The following PLOD1 variants were observed in gnomAD, a reference collection of about 807,000 sequenced individuals.
PLOD1 encodes procollagen-lysine,2-oxoglutarate 5-dioxygenase 1, also known as lysine hydroxylase.
Under a neutral mutation model 94.7 loss-of-function variants are expected in PLOD1, and 70 were observed. The ratio of observed to expected loss-of-function variants is 0.74; its 90% CI spans 0.61 to 0.90. The LOEUF is 0.90. Ranked by LOEUF, PLOD1 falls within the 40% of genes least tolerant of loss-of-function variation. PLOD1 has a pLI of 0.00. For missense variants in PLOD1, 905 were observed against 972.7 expected (o/e 0.93, Z 0.93); for synonymous variants, 417 against 400.2 (o/e 1.04, Z -0.50).
At position 11,960,686 on chromosome 1, in the gene PLOD1, A is replaced by G. The variant is rs1645771819; in HGVS notation, c.1016A>G (p.Gln339Arg). ...GCTCAGGTGGAAGAGTTCCTGGCAC[A>G]GCATGGCAGCGAGTACCAGTCTGTG... is the stretch of plus-strand genomic sequence containing the variant. ...HKAQVEEFLA[Q>R]HGSEYQSVKL... is the part of the protein sequence containing the mutation. The change falls in exon 10 of 19, where the codon CAG (glutamine) becomes CGG (arginine). Residue 339 changes from glutamine to arginine, a missense_variant. Coordinates refer to ENST00000196061, the MANE Select transcript of PLOD1 (RefSeq NM_000302.4). The G allele has an allele frequency of 2.5e-6, 4 of 1,613,102 alleles. No individual in the cohort carries two copies. Among genetic ancestry groups the G allele is most frequent in the Admixed American group, 1.7e-5 (1 of 59,992 alleles).
At chr1:11,949,748 C>G (rs767791340) in intron 2 of PLOD1, 25 bp from the exon 3 acceptor site, 1 of 1,610,488 alleles carries the variant, frequency 6.2e-7, no homozygotes, top group Non-Finnish European at 8.5e-7. Context: ...ACCAAAAGCC[C>G]GTGTTAAGGG....
intron 10 of PLOD1, among the ~76,000 whole-genome samples, chr1:11,962,795 C>CTT (rs1250609346): frequency 2.6e-5 from 4 of 151,958 alleles, no homozygotes; most frequent in Non-Finnish European, 5.9e-5. Flanking sequence ...AATCCCAGCA[C>CTT]TTTGGGAGGC....
At chr1:11,948,342 G>A (rs1343989818) in intron 2 of PLOD1, among the ~76,000 whole-genome samples, 1 of 152,212 alleles carries the variant, frequency 6.6e-6, no homozygotes, top group Non-Finnish European at 1.5e-5. Context: ...CTAGTTTAGA[G>A]GACAGGGCCT....
At chr1:11,948,855 G>C (rs1645676438) in intron 2 of PLOD1, among the ~76,000 whole-genome samples, 3 of 152,240 alleles carry the variant, frequency 2.0e-5, no homozygotes, top group African/African-American at 7.2e-5. Context: ...CGAGTATCCT[G>C]AGTGCTTCCT....
At chr1:11,943,422 G>A (rs941995667) in intron 1 of PLOD1, among the ~76,000 whole-genome samples, 1 of 151,544 alleles carries the variant, frequency 6.6e-6, no homozygotes, top group African/African-American at 2.4e-5. Context: ...TGAGCCTCAC[G>A]AGTAGTTGGG....
At chr1:11,949,745 G>A (rs763349970) in intron 2 of PLOD1, 28 bp from the exon 3 acceptor site, 38 of 1,610,342 alleles carry the variant, frequency 2.4e-5, no homozygotes, top group Admixed American at 2.3e-4. Context: ...TTTACCAAAA[G>A]CCCGTGTTAA....
chr1:11,946,440 A>C (rs1645655135), intron 1 of PLOD1, among the ~76,000 whole-genome samples: 1 of 152,042 alleles, frequency 6.6e-6, no homozygotes, highest in African/African-American at 2.4e-5. Flanking sequence ...GTCAGTTTCC[A>C]CTCTGGGCCG....
At chr1:11,971,408 C>G in intron 17 of PLOD1, 1 of 178,586 alleles carries the variant, frequency 5.6e-6, no homozygotes, top group South Asian at 1.2e-4. Context: ...CATCTAGTAG[C>G]GTGTGGGAAG....
intron 9 of PLOD1, among the ~76,000 whole-genome samples, chr1:11,959,931 CTTT>C (rs1192824528): frequency 5.7e-5 from 7 of 123,272 alleles, no homozygotes; most frequent in Non-Finnish European, 3.5e-5. Context: ...GTTGTTTTTC[CTTT>C]TTTTTTTTTT....
intron 17 of PLOD1, chr1:11,971,476 G>A (rs1645863279): frequency 6.3e-6 from 1 of 158,674 alleles, no homozygotes. Flanking sequence ...CTGAGCTGGA[G>A]TCTCACTCAG....
At chr1:11,941,467 G>GATTATTATTTATTATTATT (rs531153063) in intron 1 of PLOD1, among the ~76,000 whole-genome samples, 230 of 141,898 alleles carry the variant, frequency 1.6e-3, no homozygotes, top group African/African-American at 6.4e-3. Context: ...AAGTAGCTGG[G>GATTATTATTTATTATTATT]ATTATTATTA....
At chr1:11,966,563 C>T (rs1645819986) in intron 15 of PLOD1, 3 of 560,530 alleles carry the variant, frequency 5.4e-6, no homozygotes, top group African/African-American at 1.9e-5. Context: ...TACCTGTTGG[C>T]ACTTTCCTGC....
At position 11,964,721 on chromosome 1, in the gene PLOD1, C is replaced by T; in HGVS notation, c.1406C>T (p.Ser469Leu). Residue 469 changes from serine (S) to leucine (L), a missense_variant, in exon 13 of 19, where the codon TCA becomes TTA. Transcript: ENST00000196061. ...GSALRGELQS[S>L]DLFHHSKLDP... is the part of the protein sequence containing the mutation. ...GCCCTGCGGGGTGAGCTGCAGTCCT[C>T]AGATCTCTTCCACCACAGCAAGCTG... is the stretch of plus-strand genomic sequence containing the variant. 6.2e-7 allele frequency: 1 copy of T among 1,613,672 alleles called. No homozygotes were observed. Among genetic ancestry groups the T allele is most frequent in the Non-Finnish European group, 8.5e-7 (1 of 1,179,962 alleles).
chr1:11,961,784 A>ATATT (rs561557335), intron 10 of PLOD1, among the ~76,000 whole-genome samples: 50 of 151,904 alleles, frequency 3.3e-4, no homozygotes, highest in African/African-American at 1.2e-3. Flanking sequence ...TAATTTTTAA[A>ATATT]TATTTATTTA....
intron 4 of PLOD1, among the ~76,000 whole-genome samples, chr1:11,950,886 T>G (rs1158851626): frequency 6.6e-6 from 1 of 152,154 alleles, no homozygotes; most frequent in Non-Finnish European, 1.5e-5. Context: ...CTCCGCCTCT[T>G]GGGCTCAAGC....
rs1645873948 is a variant in PLOD1, at chr1:11,972,603, C to T, written c.1903-269C>T. The T allele has an allele frequency of 1.4e-5, 6 of 425,954 alleles. No homozygotes were observed. The highest frequency in any genetic ancestry group is 2.7e-5 in the South Asian group (1 of 36,942). 26.4% of individuals were successfully genotyped at this position (425,954 alleles called of 1,614,324 possible). A position where few individuals can be genotyped will look rare whatever the true frequency, so the allele number is the denominator to read the frequency against. The stretch of plus-strand genomic sequence containing the variant: ...CTTTCATTTCTTCTCTTCCCTTTTC[C>T]TCCCTTCCTCCCTCCCTCCCTTCCT... On this transcript the variant is annotated intron_variant, in intron 17 of 18. Transcript: ENST00000196061. This position sits in a 1 kb window ranked among gnomAD's most constrained non-coding sequence, Gnocchi z 4.6.
At chr1:11,969,106 T>C (rs1645843307) in intron 16 of PLOD1, among the ~76,000 whole-genome samples, 1 of 140,724 alleles carries the variant, frequency 7.1e-6, no homozygotes, top group Non-Finnish European at 1.5e-5. Context: ...CACTGCAACC[T>C]CCGCCTGAGT....
In PLOD1 at chr1:11,957,626, G is replaced by A. The variant is rs911471218; in HGVS notation, c.742-216G>A. On this transcript the variant is annotated intron_variant, in intron 7 of 18. Transcript: ENST00000196061. This position sits in a 1 kb window ranked among gnomAD's most constrained non-coding sequence, Gnocchi z 4.1. ...GGACCCAGGAATCTGCATTTTACAA[G>A]CTCTCGGGAGAAGCACTAGAGTGCC... is the stretch of plus-strand genomic sequence containing the variant. Among the ~76,000 whole-genome samples, 3 of 152,210 alleles carry A rather than the reference G, an allele frequency of 2.0e-5. No homozygotes were observed. The highest frequency in any genetic ancestry group is 1.3e-4 in the Admixed American group (2 of 15,282).
intron 1 of PLOD1, among the ~76,000 whole-genome samples, chr1:11,945,829 CT>C (rs1645650456): frequency 6.6e-6 from 1 of 152,164 alleles, no homozygotes; most frequent in South Asian, 2.1e-4. Flanking sequence ...CTGTCTCAGC[CT>C]CCCAAGTAGC....
Sources: gnomAD v4.1 joint callset for allele counts (sites outside exome capture counted in the v4.1 genomes callset) on GRCh38, gnomAD v4.1.1 for gene constraint, Gnocchi (gnomAD v3.1) non-coding constraint, MANE v1.5 for transcripts, NCBI Gene and HGNC (gene_info 2026-07-23, HGNC 2026-07-21) for gene names.